Variants in GALNT13 observed in about 807,000 individuals in gnomAD.
GALNT13 encodes the protein UDP-GalNAc:polypeptide N-acetylgalactosaminyltransferase 13.
A neutral mutation model predicts 64.2 loss-of-function variants in GALNT13; 28 were observed. The observed-to-expected ratio is 0.44, with a 90% CI of 0.32 to 0.60. The LOEUF (loss-of-function observed/expected upper bound fraction) is 0.60. Ranked by LOEUF, GALNT13 falls within the 20% of genes least tolerant of loss-of-function variation. GALNT13 has a pLI of 0.05. For synonymous variants in GALNT13, 214 were observed against 224.6 expected, an observed-to-expected ratio of 0.95 and a Z score of 0.42; for missense variants, 577 against 669.8, an observed-to-expected ratio of 0.86 and a Z score of 1.53.
the GALNT13 span, among the ~76,000 whole-genome samples, chr2:153,504,755 T>G: frequency 3.3e-5 from 5 of 152,228 alleles, no homozygotes; most frequent in Admixed American, 2.0e-4. Flanking sequence ...TGATGGATTC[T>G]TTTTGATATA....
chr2:153,929,061 A>C (rs567790854), intron 2 of GALNT13, among the ~76,000 whole-genome samples: 1 of 152,216 alleles, frequency 6.6e-6, no homozygotes, highest in Non-Finnish European at 1.5e-5. Flanking sequence ...CATATGTTTC[A>C]TACATCATTT....
chr2:154,301,723 T>C lies in GALNT13; in HGVS notation c.1156+134T>C, dbSNP rs1693450889. The C allele has an allele frequency of 6.8e-6, 4 of 585,700 alleles. No individual in the cohort carries two copies. In the South Asian group the frequency reaches 9.8e-5, roughly 14 times the overall value. The allele number at this position is 585,700 out of a possible 1,614,324, so 36.3% of individuals were successfully genotyped here. On this transcript the variant is annotated intron_variant, in intron 9 of 12. Coordinates refer to ENST00000392825, the MANE Select transcript of GALNT13 (RefSeq NM_052917.4). ...TACCATAATATTGCAGAAAACGGCA[T>C]ATGAGAAAGTTGTACTATGAAGTAA...
intron 4 of GALNT13, among the ~76,000 whole-genome samples, chr2:154,165,910 G>A (rs1007026924): frequency 2.0e-5 from 3 of 152,208 alleles, no homozygotes; most frequent in Non-Finnish European, 1.5e-5. Flanking sequence ...CAGTTCAAGA[G>A]AGTATTGAAC....
At chr2:154,227,413 T>G (rs1249873363) in intron 4 of GALNT13, among the ~76,000 whole-genome samples, 1 of 151,826 alleles carries the variant, frequency 6.6e-6, no homozygotes, top group Non-Finnish European at 1.5e-5. Flanking sequence ...ATGTGCCATG[T>G]TGGTGTGCTG....
chr2:153,131,133 A>G, the GALNT13 span, among the ~76,000 whole-genome samples: 1 of 152,180 alleles, frequency 6.6e-6, no homozygotes, highest in Non-Finnish European at 1.5e-5. Flanking sequence ...ATAAATATTA[A>G]TGATGTGAAA....
chr2:154,260,190 T>C (rs1324681452), intron 8 of GALNT13, among the ~76,000 whole-genome samples: 1 of 152,126 alleles, frequency 6.6e-6, no homozygotes, highest in African/African-American at 2.4e-5. Context: ...CCAGCTTCAG[T>C]GTAAAATATA....
At chr2:153,774,393 A>G in the GALNT13 span, among the ~76,000 whole-genome samples, 1 of 152,130 alleles carries the variant, frequency 6.6e-6, no homozygotes, top group South Asian at 2.1e-4. Flanking sequence ...ATAGGAGAAG[A>G]TGGCATTGCA....
the GALNT13 span, among the ~76,000 whole-genome samples, chr2:153,379,234 C>A: frequency 6.6e-6 from 1 of 152,108 alleles, no homozygotes; most frequent in African/African-American, 2.4e-5. Context: ...AATAATGTTG[C>A]TTTTAAAATA....
chr2:154,105,791 T>G (rs1308917635), intron 3 of GALNT13, among the ~76,000 whole-genome samples: 1 of 152,186 alleles, frequency 6.6e-6, no homozygotes, highest in Non-Finnish European at 1.5e-5. Flanking sequence ...CCTAGCCCCA[T>G]GTGAATATTG....
chr2:154,193,760 C>T (rs1686726322), intron 4 of GALNT13, among the ~76,000 whole-genome samples: 1 of 152,174 alleles, frequency 6.6e-6, no homozygotes, highest in South Asian at 2.1e-4. Context: ...TGTGAGCAAG[C>T]TTCTTGGGTT....
At chr2:153,950,793 T>C (rs1295260633) in intron 3 of GALNT13, among the ~76,000 whole-genome samples, 2 of 152,066 alleles carry the variant, frequency 1.3e-5, no homozygotes, top group Non-Finnish European at 2.9e-5. Flanking sequence ...AATAGTAAAT[T>C]ATGTACAAAA....
At chr2:153,695,454 G>A in the GALNT13 span, among the ~76,000 whole-genome samples, 1 of 152,108 alleles carries the variant, frequency 6.6e-6, no homozygotes, top group South Asian at 2.1e-4. Flanking sequence ...AACCACATAT[G>A]GGCAGGTCTA....
At chr2:153,711,481 G>A in the GALNT13 span, among the ~76,000 whole-genome samples, 1 of 152,104 alleles carries the variant, frequency 6.6e-6, no homozygotes, top group African/African-American at 2.4e-5. Flanking sequence ...ATGCCTAGAA[G>A]CACCTATCAT....
chr2:153,993,075 T>G (rs1250754786), intron 3 of GALNT13, among the ~76,000 whole-genome samples: 1 of 152,166 alleles, frequency 6.6e-6, no homozygotes, highest in African/African-American at 2.4e-5. Flanking sequence ...TATGAAGGAA[T>G]ATTAATAAAT....
chr2:153,303,270 T>G, the GALNT13 span, among the ~76,000 whole-genome samples: 2 of 152,154 alleles, frequency 1.3e-5, no homozygotes, highest in Admixed American at 1.3e-4. Context: ...CTTGGTGAAA[T>G]TTGCTCCTAA....
At chr2:153,760,309 C>T in the GALNT13 span, among the ~76,000 whole-genome samples, 2 of 151,618 alleles carry the variant, frequency 1.3e-5, no homozygotes, top group South Asian at 4.2e-4. Context: ...TTTCTTATTT[C>T]TTCTAACTTT....
At chr2:153,570,151 T>C in the GALNT13 span, among the ~76,000 whole-genome samples, 1 of 152,124 alleles carries the variant, frequency 6.6e-6, no homozygotes, top group Non-Finnish European at 1.5e-5. Context: ...ACTGGGGTGA[T>C]ATGATATCTC....
the GALNT13 span, among the ~76,000 whole-genome samples, chr2:153,621,614 T>A: frequency 6.6e-6 from 1 of 151,982 alleles, no homozygotes; most frequent in East Asian, 1.9e-4. Context: ...ACCTTATAAG[T>A]CTATTTGGTA....
the GALNT13 span, among the ~76,000 whole-genome samples, chr2:153,629,828 G>C: frequency 1.4e-5 from 2 of 147,402 alleles, no homozygotes; most frequent in East Asian, 3.9e-4. Flanking sequence ...CCATCAAAAA[G>C]TGGGCGAGGG....
Sources: allele counts gnomAD v4.1 joint callset (sites outside exome capture counted in the v4.1 genomes callset), GRCh38; gene constraint gnomAD v4.1.1; transcripts MANE v1.5; gene names NCBI Gene and HGNC (gene_info 2026-07-23, HGNC 2026-07-21).